Variants in SHISA9 observed in about 807,000 individuals in gnomAD.
SHISA9 encodes the protein protein shisa-9.
In SHISA9, 13 loss-of-function variants were observed where a neutral mutation model predicts 38.0. That is an observed-to-expected ratio of 0.34 (90% CI 0.22 to 0.54). The LOEUF (loss-of-function observed/expected upper bound fraction) is 0.54, where lower values mean the gene tolerates loss of function less well. Ranked by LOEUF, SHISA9 falls within the 20% of genes least tolerant of loss-of-function variation. The pLI, the probability that SHISA9 is intolerant of heterozygous loss-of-function variation, is 0.91. For synonymous variants in SHISA9, 275 were observed against 242.0 expected, an observed-to-expected ratio of 1.14 and a Z score of -1.27; for missense variants, 538 against 575.8, an observed-to-expected ratio of 0.93 and a Z score of 0.67.
intron 2 of SHISA9, among the ~76,000 whole-genome samples, chr16:13,184,413 T>TTACTC (rs1387013888): frequency 1.3e-5 from 2 of 152,238 alleles, no homozygotes; most frequent in Admixed American, 6.5e-5. Flanking sequence ...ACACCAGCAG[T>TTACTC]TACTCTACGT....
At chr16:13,136,680 G>A (rs963370877) in intron 2 of SHISA9, among the ~76,000 whole-genome samples, 17 of 152,188 alleles carry the variant, frequency 1.1e-4, no homozygotes, top group African/African-American at 3.6e-4. Context: ...GATTACAGGC[G>A]TGAGCCACCA....
chr16:12,936,017 G>A (rs2071527584), intron 2 of SHISA9, among the ~76,000 whole-genome samples: 1 of 152,142 alleles, frequency 6.6e-6, no homozygotes, highest in African/African-American at 2.4e-5. Context: ...TCCAGAGTGA[G>A]GAGTGATGAA....
the SHISA9 span, among the ~76,000 whole-genome samples, chr16:13,375,666 CA>C: frequency 3.9e-5 from 6 of 151,956 alleles, no homozygotes; most frequent in East Asian, 9.7e-4. Context: ...ATTCCATTAG[CA>C]ATAGCCAAAA....
chr16:13,137,047 C>A (rs571214942), intron 2 of SHISA9, among the ~76,000 whole-genome samples: 1 of 152,308 alleles, frequency 6.6e-6, no homozygotes, highest in South Asian at 2.1e-4. Context: ...CATGATACCA[C>A]CTTGCATTCT....
chr16:13,421,176 C>T, the SHISA9 span, among the ~76,000 whole-genome samples: 2 of 150,974 alleles, frequency 1.3e-5, no homozygotes, highest in African/African-American at 4.9e-5. Flanking sequence ...ATTCAGATGT[C>T]CTAGAGACAG....
intron 2 of SHISA9, among the ~76,000 whole-genome samples, chr16:12,949,439 C>A (rs1199864045): frequency 6.6e-6 from 1 of 152,170 alleles, no homozygotes; most frequent in Non-Finnish European, 1.5e-5. Flanking sequence ...TTGGGTGAGG[C>A]ACCTCCTATT....
At chr16:12,922,634 C>A (rs2071342328) in intron 2 of SHISA9, among the ~76,000 whole-genome samples, 1 of 152,248 alleles carries the variant, frequency 6.6e-6, no homozygotes, top group Non-Finnish European at 1.5e-5. Flanking sequence ...ATTCTCCTGC[C>A]TCAGCCTCCT....
At chr16:13,304,164 A>G in the SHISA9 span, among the ~76,000 whole-genome samples, 1 of 152,206 alleles carries the variant, frequency 6.6e-6, no homozygotes, top group African/African-American at 2.4e-5. Flanking sequence ...CATTTGTGCA[A>G]CAATGAACTA....
chr16:13,319,564 C>T, the SHISA9 span, among the ~76,000 whole-genome samples: 1 of 152,100 alleles, frequency 6.6e-6, no homozygotes, highest in African/African-American at 2.4e-5. Context: ...CTGGAAAGAG[C>T]CCAGCTTCAA....
At chr16:13,194,221 A>G (rs977902582) in intron 2 of SHISA9, among the ~76,000 whole-genome samples, 6 of 152,232 alleles carry the variant, frequency 3.9e-5, no homozygotes, top group Non-Finnish European at 7.3e-5. Flanking sequence ...GATTAAAAAA[A>G]AAAATTAGAA....
chr16:13,291,688 C>G, the SHISA9 span, among the ~76,000 whole-genome samples: 2 of 152,076 alleles, frequency 1.3e-5, no homozygotes, highest in Non-Finnish European at 2.9e-5. Context: ...AAAGATGTCT[C>G]ATGACACCAG....
chr16:13,398,950 T>A, the SHISA9 span, among the ~76,000 whole-genome samples: 1 of 152,174 alleles, frequency 6.6e-6, no homozygotes, highest in Non-Finnish European at 1.5e-5. Context: ...GTGCCAGTTA[T>A]ACGCATTAGA....
At chr16:13,014,621 TCATCTCGGGTTACTGCTTTG>T (rs372759753) in intron 2 of SHISA9, among the ~76,000 whole-genome samples, 208 of 152,338 alleles carry the variant, frequency 1.4e-3, no homozygotes, top group African/African-American at 4.6e-3. Flanking sequence ...AAAGAGCATC[TCATCTCGGGTTACTGCTTTG>T]CACCAACCTG....
At chr16:13,358,150 T>C in the SHISA9 span, among the ~76,000 whole-genome samples, 1 of 152,088 alleles carries the variant, frequency 6.6e-6, no homozygotes, top group African/African-American at 2.4e-5. Context: ...GGGTAGCAAT[T>C]GGCCCTCACT....
chr16:13,552,539 A>G, the SHISA9 span, among the ~76,000 whole-genome samples: 1 of 151,958 alleles, frequency 6.6e-6, no homozygotes, highest in Non-Finnish European at 1.5e-5. Context: ...CATCCCTGCA[A>G]CAACCCTGGA....
At chr16:13,549,966 T>C in the SHISA9 span, among the ~76,000 whole-genome samples, 1 of 150,064 alleles carries the variant, frequency 6.7e-6, no homozygotes, top group Non-Finnish European at 1.5e-5. Flanking sequence ...GAGGTTGCAG[T>C]GAGCCGAGAT....
At chr16:13,223,745 G>A (rs1596746991) in intron 4 of SHISA9, among the ~76,000 whole-genome samples, 2 of 152,312 alleles carry the variant, frequency 1.3e-5, no homozygotes, top group South Asian at 2.1e-4. Flanking sequence ...CATGGTGGAA[G>A]GCCACGGAAG....
chr16:13,171,412 T>G, intron 2 of SHISA9, among the ~76,000 whole-genome samples: 1 of 145,290 alleles, frequency 6.9e-6, no homozygotes, highest in Admixed American at 6.9e-5. Context: ...AAGTTGCAAA[T>G]GGGGTAGATG....
At chr16:13,052,005 C>T (rs751517321) in intron 2 of SHISA9, among the ~76,000 whole-genome samples, 38 of 152,080 alleles carry the variant, frequency 2.5e-4, no homozygotes, top group African/African-American at 7.5e-4. Flanking sequence ...CCTCGTGATC[C>T]GCCTGCCTCG....
Sources: allele counts gnomAD v4.1 joint callset (sites outside exome capture counted in the v4.1 genomes callset), GRCh38; gene constraint gnomAD v4.1.1; transcripts MANE v1.5; gene names NCBI Gene and HGNC (gene_info 2026-07-23, HGNC 2026-07-21).